The following MGAM2 variants were observed in gnomAD, a reference collection of about 807,000 sequenced individuals.
MGAM2 encodes the protein probable maltase-glucoamylase 2.
MGAM2 carries 98 observed loss-of-function variants against 96.1 expected under a neutral mutation model. The ratio of observed to expected loss-of-function variants is 1.02; its 90% CI spans 0.87 to 1.21. The LOEUF is 1.21. Among genes scored for constraint, MGAM2 ranks in the 50% most tolerant of loss-of-function variants. MGAM2 has a pLI of 0.00. For synonymous variants in MGAM2, 749 were observed against 414.8 expected (o/e 1.81, Z -9.79); for missense variants, 2,055 against 1,182.4 (o/e 1.74, Z -10.82).
At chr7:142,190,816 T>C (rs1796843975) in intron 37 of MGAM2, among the ~76,000 whole-genome samples, 1 of 152,226 alleles carries the variant, frequency 6.6e-6, no homozygotes, top group Non-Finnish European at 1.5e-5. Flanking sequence ...TTGCTCATTT[T>C]TGATAGAATC....
chr7:142,217,155 T>C (rs963082521), intron 46 of MGAM2, among the ~76,000 whole-genome samples: 8 of 152,332 alleles, frequency 5.3e-5, no homozygotes, highest in Admixed American at 3.9e-4. Flanking sequence ...TGATTTTCAT[T>C]TGGGCCTTCA....
Position 142,132,752 on chromosome 7 carries a change from TATATAATATATAATTATATA to T in MGAM2, c.575+684_575+703del, listed in dbSNP as rs1295084822. Among the ~76,000 whole-genome samples the T allele has an allele frequency of 1.1e-3, 140 of 125,728 alleles. 1 individual carries two copies. The highest frequency in any genetic ancestry group is 4.1e-3 in the African/African-American group (130 of 31,500). The allele number at this position is 125,728 out of a possible 152,430, so 82.5% of individuals were successfully genotyped here. A position where few individuals can be genotyped will look rare whatever the true frequency, so the allele number is the denominator to read the frequency against. ...AATAGAAATATGTAATAACATATAA[TATATAATATATAATTATATA>T]ATATAATATATAATTACATGTCATA... is the stretch of plus-strand genomic sequence containing the variant. On this transcript the variant is annotated intron_variant, in intron 6 of 47. Transcript: ENST00000477922.
chr7:142,192,459 C>A (rs1796899575), intron 37 of MGAM2, among the ~76,000 whole-genome samples: 1 of 152,106 alleles, frequency 6.6e-6, no homozygotes, highest in South Asian at 2.1e-4. Context: ...CTTTCAAGGA[C>A]CTCATTGTCT....
chr7:142,147,136 G>C (rs1219160976), intron 14 of MGAM2, among the ~76,000 whole-genome samples: 1 of 152,166 alleles, frequency 6.6e-6, no homozygotes. Flanking sequence ...AATTTATGTA[G>C]ATAAACACTA....
intron 37 of MGAM2, among the ~76,000 whole-genome samples, chr7:142,191,886 T>C (rs1046135143): frequency 6.6e-6 from 1 of 152,218 alleles, no homozygotes; most frequent in African/African-American, 2.4e-5. Context: ...TCTTTAATTT[T>C]TTCAACAATT....
Position 142,222,150 on chromosome 7 carries a change from C to T in MGAM2, c.*91C>T, listed in dbSNP as rs958569923. ...ATCAGTTACGAGACACTCTATCTAT[C>T]TTATGCTACTTAAGTTTTCACGGAT... On this transcript the variant is annotated 3_prime_UTR_variant, in exon 48 of 48. Transcript: ENST00000477922. The T allele has an allele frequency of 2.0e-5, 8 of 396,408 alleles. No homozygotes were observed. Among genetic ancestry groups the T allele is most frequent in the African/African-American group, 1.6e-4 (8 of 48,578 alleles). 24.6% of individuals were successfully genotyped at this position (396,408 alleles called of 1,614,324 possible). A position where few individuals can be genotyped will look rare whatever the true frequency, so the allele number is the denominator to read the frequency against.
chr7:142,215,855 A>G (rs1202622057), intron 46 of MGAM2, among the ~76,000 whole-genome samples: 1 of 151,964 alleles, frequency 6.6e-6, no homozygotes, highest in African/African-American at 2.4e-5. Context: ...ATATATTTTG[A>G]AATTAATGTA....
At chr7:142,138,902 A>G (rs1795135268) in intron 10 of MGAM2, among the ~76,000 whole-genome samples, 1 of 152,164 alleles carries the variant, frequency 6.6e-6, no homozygotes, top group African/African-American at 2.4e-5. Flanking sequence ...GCTCTGTGCA[A>G]TGTTGCGCCA....
At chr7:142,179,854 T>C (rs1282355694) in intron 32 of MGAM2, among the ~76,000 whole-genome samples, 3 of 152,144 alleles carry the variant, frequency 2.0e-5, no homozygotes, top group Non-Finnish European at 4.4e-5. Context: ...GATATTGATA[T>C]CAGGATGATG....
intron 37 of MGAM2, among the ~76,000 whole-genome samples, chr7:142,195,316 G>A (rs558305391): frequency 6.3e-5 from 9 of 143,472 alleles, no homozygotes; most frequent in African/African-American, 2.3e-4. Context: ...TTACATGTGT[G>A]AGTTTCTGTG....
chr7:142,122,984 C>T (rs978839911), intron 3 of MGAM2, among the ~76,000 whole-genome samples: 5 of 152,194 alleles, frequency 3.3e-5, no homozygotes, highest in East Asian at 3.9e-4. Flanking sequence ...CATGCACCAC[C>T]ATGCCCAGCT....
chr7:142,168,295 G>A (rs1327569883), intron 26 of MGAM2, among the ~76,000 whole-genome samples: 1 of 149,810 alleles, frequency 6.7e-6, no homozygotes, highest in Non-Finnish European at 1.5e-5. Context: ...TTGAGACAGA[G>A]TTTTGCTCTT....
intron 10 of MGAM2, among the ~76,000 whole-genome samples, chr7:142,139,409 C>T (rs1795151911): frequency 6.6e-6 from 1 of 152,210 alleles, no homozygotes; most frequent in Non-Finnish European, 1.5e-5. Flanking sequence ...CCTGTAATCT[C>T]AGCACTTTGG....
At chr7:142,155,775 C>A (rs1335701195) in intron 17 of MGAM2, among the ~76,000 whole-genome samples, 3 of 152,176 alleles carry the variant, frequency 2.0e-5, no homozygotes, top group African/African-American at 7.2e-5. Context: ...TAGGTTTAAG[C>A]ACGTATGTCC....
Position 142,219,948 on chromosome 7 carries a change from G to C in MGAM2, c.5437G>C (p.Val1813Leu), listed in dbSNP as rs569362225. 1.4e-6 allele frequency: 1 copy of C among 702,792 alleles called. No homozygotes were observed. The highest frequency in any genetic ancestry group is 1.5e-5 in the South Asian group (1 of 67,590). The allele number at this position is 702,792 out of a possible 1,614,324, so 43.5% of individuals were successfully genotyped here. ...TEVTWIDGGP[V>L]LPTPTKTSTI... Reference sequence around the variant, plus strand: ...GGTTACTTGGATTGATGGTGGTCCTGTACTTCCTACTCCAACTAAGACAAG... The same window carrying C: ...GGTTACTTGGATTGATGGTGGTCCTCTACTTCCTACTCCAACTAAGACAAG... Residue 1813 changes from valine (V) to leucine (L), a missense_variant, in exon 48 of 48, where the codon GTA becomes CTA. Transcript: ENST00000477922.
intron 34 of MGAM2, 139 bp downstream of exon 34, chr7:142,185,278 C>A: frequency 1.9e-6 from 1 of 527,384 alleles, no homozygotes; most frequent in South Asian, 2.9e-5. Context: ...AGTTTCTTGG[C>A]AGAAAGAGAT....
intron 15 of MGAM2, among the ~76,000 whole-genome samples, chr7:142,149,731 CG>C (rs1240821215): frequency 1.3e-5 from 2 of 151,406 alleles, no homozygotes; most frequent in Admixed American, 6.6e-5. Flanking sequence ...TTAGTAGAGA[CG>C]GGGTTTCACA....
intron 20 of MGAM2, among the ~76,000 whole-genome samples, chr7:142,159,562 C>A (rs914519745): frequency 1.3e-5 from 2 of 152,148 alleles, no homozygotes; most frequent in African/African-American, 4.8e-5. Context: ...TTATTGCTCA[C>A]GGTTTTGGAG....
intron 37 of MGAM2, 137 bp from the exon 38 acceptor site, chr7:142,196,017 G>C: frequency 1.5e-6 from 1 of 647,028 alleles, no homozygotes; most frequent in Non-Finnish European, 2.8e-6. Context: ...GCATGGCTTT[G>C]AGACAGCAGA....
Sources: allele counts gnomAD v4.1 joint callset (sites outside exome capture counted in the v4.1 genomes callset), GRCh38; gene constraint gnomAD v4.1.1; transcripts MANE v1.5; gene names NCBI Gene and HGNC (gene_info 2026-07-23, HGNC 2026-07-21).